ARHGAP6: variants seen among roughly 807,000 people sequenced by gnomAD.
ARHGAP6 encodes Rho GTPase activating protein 6, also known as rho GTPase-activating protein 6.
ARHGAP6 carries 16 observed loss-of-function variants against 55.7 expected under a neutral mutation model. The observed-to-expected ratio is 0.29, with a 90% confidence interval of 0.19 to 0.44. The LOEUF (loss-of-function observed/expected upper bound fraction) is 0.44, where lower values mean the gene tolerates loss of function less well. Among genes scored for constraint, ARHGAP6 ranks in the 20% least tolerant of loss-of-function variants. The probability of loss-of-function intolerance (pLI) is 1.00; values close to 1 mark genes in which losing one functional copy is unlikely to be tolerated. For synonymous variants in ARHGAP6, 382 were observed against 360.9 expected (o/e 1.06, Z -0.66); for missense variants, 698 against 808.9 (o/e 0.86, Z 1.66).
chrX:11,606,362 A>G (rs2052035992), intron 1 of ARHGAP6, among the ~76,000 whole-genome samples: 2 of 109,818 alleles, frequency 1.8e-5, no homozygotes, highest in Non-Finnish European at 3.8e-5. Context: ...TTTTTATTAA[A>G]CTCTTTGCTA....
At chrX:11,144,302 G>A (rs2045660198) in intron 10 of ARHGAP6, 54 bp from the exon 11 acceptor site, 1 of 1,200,905 alleles carries the variant, frequency 8.3e-7, no homozygotes, top group African/African-American at 1.7e-5. Flanking sequence ...GTAGTGACCA[G>A]ATTTAAACAA....
At chrX:11,382,142 C>T (rs2049270097) in intron 1 of ARHGAP6, among the ~76,000 whole-genome samples, 1 of 111,184 alleles carries the variant, frequency 9.0e-6, no homozygotes, top group Non-Finnish European at 1.9e-5. Context: ...TTTAGCTAAA[C>T]ATAATGAACA....
At chrX:11,369,036 A>G (rs1023329274) in intron 1 of ARHGAP6, among the ~76,000 whole-genome samples, 9 of 111,459 alleles carry the variant, frequency 8.1e-5, no homozygotes, top group Non-Finnish European at 1.7e-4. Context: ...TTTCCCTTTC[A>G]AAAGTATCCC....
intron 2 of ARHGAP6, among the ~76,000 whole-genome samples, chrX:11,246,095 G>T (rs1456846609): frequency 9.0e-6 from 1 of 110,777 alleles, no homozygotes; most frequent in Non-Finnish European, 1.9e-5. Context: ...CTGAATTGAG[G>T]AAAGTAGGTA....
intron 1 of ARHGAP6, among the ~76,000 whole-genome samples, chrX:11,315,092 C>T (rs1011783359): frequency 1.8e-5 from 2 of 112,391 alleles, no homozygotes; most frequent in Non-Finnish European, 3.8e-5. Context: ...AGGCATTTCT[C>T]ACCCTGGAGG....
At chrX:11,362,750 C>T (rs913334380) in intron 1 of ARHGAP6, among the ~76,000 whole-genome samples, 1 of 111,211 alleles carries the variant, frequency 9.0e-6, no homozygotes, top group Non-Finnish European at 1.9e-5. Context: ...TAAGAAGGTA[C>T]TCCTTGAGGG....
At chrX:11,552,123 CA>C (rs1222560440) in intron 1 of ARHGAP6, among the ~76,000 whole-genome samples, 5 of 111,066 alleles carry the variant, frequency 4.5e-5, no homozygotes, top group African/African-American at 1.6e-4. Flanking sequence ...TGGCATTTCT[CA>C]AAAGAAAACA....
chrX:11,159,194 C>T (rs921784818), intron 9 of ARHGAP6, among the ~76,000 whole-genome samples: 6 of 111,148 alleles, frequency 5.4e-5, no homozygotes, highest in African/African-American at 2.0e-4. Flanking sequence ...AGGGCCAGGA[C>T]CAGGTGTCAT....
At chrX:11,617,232 T>C (rs999950459) in intron 1 of ARHGAP6, among the ~76,000 whole-genome samples, 7 of 112,389 alleles carry the variant, frequency 6.2e-5, no homozygotes, top group African/African-American at 1.9e-4. Flanking sequence ...ATAAAATATA[T>C]AATTAACATG....
intron 1 of ARHGAP6, among the ~76,000 whole-genome samples, chrX:11,284,269 G>A (rs767221904): frequency 8.9e-6 from 1 of 112,010 alleles, no homozygotes; most frequent in Admixed American, 9.5e-5. Flanking sequence ...AGGTGTGGGA[G>A]GGGGCTGACA....
chrX:11,566,159 T>G (rs2051438791), intron 1 of ARHGAP6, among the ~76,000 whole-genome samples: 1 of 111,920 alleles, frequency 8.9e-6, no homozygotes, highest in Non-Finnish European at 1.9e-5. Context: ...TGGACTATAG[T>G]GTTCATGGTG....
intron 1 of ARHGAP6, among the ~76,000 whole-genome samples, chrX:11,383,288 G>A (rs1194053820): frequency 9.0e-6 from 1 of 111,655 alleles, no homozygotes; most frequent in Non-Finnish European, 1.9e-5. Context: ...TTGCTGATCT[G>A]AAGTGACTTG....
intron 1 of ARHGAP6, among the ~76,000 whole-genome samples, chrX:11,443,844 C>A (rs2050065620): frequency 9.0e-6 from 1 of 111,680 alleles, no homozygotes; most frequent in Non-Finnish European, 1.9e-5. Flanking sequence ...AGGAGAATGG[C>A]ATGAACCTGG....
chrX:11,533,653 G>C (rs775727732), intron 1 of ARHGAP6, among the ~76,000 whole-genome samples: 1 of 112,002 alleles, frequency 8.9e-6, no homozygotes, highest in Non-Finnish European at 1.9e-5. Flanking sequence ...CTTATTGTTG[G>C]TTTGATAATC....
intron 8 of ARHGAP6, among the ~76,000 whole-genome samples, chrX:11,175,441 C>G (rs956406126): frequency 2.7e-4 from 30 of 112,256 alleles, no homozygotes; most frequent in Non-Finnish European, 7.5e-5. Context: ...CCTTTTACAA[C>G]TTCACTGTCA....
At chrX:11,595,742 C>A (rs901055257) in intron 1 of ARHGAP6, among the ~76,000 whole-genome samples, 25 of 111,786 alleles carry the variant, frequency 2.2e-4, no homozygotes, top group Middle Eastern at 4.6e-3. Flanking sequence ...GGAAAAAAAA[C>A]CATCAAAAAG....
At chrX:11,650,560 C>T (rs1356883900) in intron 1 of ARHGAP6, among the ~76,000 whole-genome samples, 1 of 111,389 alleles carries the variant, frequency 9.0e-6, no homozygotes, top group Non-Finnish European at 1.9e-5. Context: ...CCAGGGAGCA[C>T]CAAAACAGAA....
At chrX:11,156,410 T>G in intron 10 of ARHGAP6, 119 bp downstream of exon 10, 1 of 581,172 alleles carries the variant, frequency 1.7e-6, no homozygotes, top group South Asian at 3.6e-5. Flanking sequence ...TGCCAAAGAG[T>G]TGCCAAAATT....
intron 1 of ARHGAP6, among the ~76,000 whole-genome samples, chrX:11,544,669 T>C (rs1325263496): frequency 1.8e-5 from 2 of 112,083 alleles, no homozygotes; most frequent in Admixed American, 9.5e-5. Flanking sequence ...TCATCAGTTC[T>C]CTGGTGGAAT....
Sources: allele counts gnomAD v4.1 joint callset (sites outside exome capture counted in the v4.1 genomes callset), GRCh38; gene constraint gnomAD v4.1.1; transcripts MANE v1.5; gene names NCBI Gene and HGNC (gene_info 2026-07-23, HGNC 2026-07-21).